The following NEK9 variants were observed in gnomAD, a reference collection of about 807,000 sequenced individuals.
The protein encoded by NEK9 is serine/threonine-protein kinase Nek9.
Under a neutral mutation model 123.4 loss-of-function variants are expected in NEK9, and 75 were observed. The observed-to-expected ratio is 0.61, with a 90% CI of 0.50 to 0.74. NEK9 has a LOEUF of 0.74. NEK9 is among the 30% of genes least tolerant of loss of function. The pLI, the probability that NEK9 is intolerant of heterozygous loss-of-function variation, is 0.00. For synonymous variants in NEK9, 438 were observed against 458.7 expected, an observed-to-expected ratio of 0.95 and a Z score of 0.58; for missense variants, 952 against 1,214.4, an observed-to-expected ratio of 0.78 and a Z score of 3.21.
chr14:75,084,347 G>T lies in NEK9; in HGVS notation c.*217C>A. The stretch of plus-strand genomic sequence containing the variant: ...ACTGATGACAAAGCCAGGGCCATGG[G>T]GGCCCTTCCATTCTCCAAAACAATA... On this transcript the variant is annotated 3_prime_UTR_variant, in exon 22 of 22. Transcript: ENST00000238616. 1 of 575,396 alleles carries T rather than the reference G, an allele frequency of 1.7e-6. No individual in the cohort carries two copies. The highest frequency in any genetic ancestry group is 3.1e-6 in the Non-Finnish European group (1 of 322,008). The allele number at this position is 575,396 out of a possible 1,614,324, so 35.6% of individuals were successfully genotyped here.
intron 20 of NEK9, 103 bp downstream of exon 20, chr14:75,088,377 A>G: frequency 9.0e-7 from 1 of 1,108,970 alleles, no homozygotes. Context: ...GAGTTGATGC[A>G]GGGCAGCTGA....
chr14:75,105,811 T>C, intron 13 of NEK9, 139 bp downstream of exon 13: 1 of 661,834 alleles, frequency 1.5e-6, no homozygotes, highest in Non-Finnish European at 2.6e-6. Flanking sequence ...AAATCAGGAA[T>C]CCTAAATTGT....
chr14:75,106,976 TA>T (rs1594839760), intron 11 of NEK9, among the ~76,000 whole-genome samples: 1 of 152,176 alleles, frequency 6.6e-6, no homozygotes, highest in African/African-American at 2.4e-5. Flanking sequence ...GTTATATAGA[TA>T]AAAAAATAAG....
rs190270695 is a variant in NEK9 at position 75,096,852 on chromosome 14, C to T, written c.2173+248G>A. The T allele has an allele frequency of 3.6e-3, 1,238 of 342,356 alleles. 6 individuals carry two copies. The highest frequency in any genetic ancestry group is 5.4e-3 in the Non-Finnish European group (1,028 of 191,484). 21.2% of individuals were successfully genotyped at this position (342,356 alleles called of 1,614,324 possible). On this transcript the variant is annotated intron_variant, in intron 17 of 21. Coordinates refer to ENST00000238616, the MANE Select transcript of NEK9 (RefSeq NM_033116.6). ...GACAAAAAAAAACAACCAAAAAAAT[C>T]AATTCTAAGGGGGCAGGCAGAGCCC...
chr14:75,094,347 T>C (rs866264740), intron 18 of NEK9, among the ~76,000 whole-genome samples: 13 of 152,334 alleles, frequency 8.5e-5, no homozygotes, highest in South Asian at 6.2e-4. Context: ...TGGCTATTCA[T>C]AGGCATGATG....
Position 75,109,745 on chromosome 14 carries a change from G to A in NEK9, c.1122C>T (p.Val374=). Residue 374 remains valine, a synonymous_variant, in exon 10 of 22, where the codon GTC becomes GTT. Coordinates refer to ENST00000238616, the MANE Select transcript of NEK9 (RefSeq NM_033116.6). ...CAGCAAAGTGGGTATTCCCTGCACA[G>A]ACCTGCCGGGCACTACAGCCACTCT... The part of the protein sequence containing the change: ...VIKSGCSARQ[V]CAGNTHFAVV... 1 of 1,614,130 alleles carries A rather than the reference G, an allele frequency of 6.2e-7. No individual in the cohort carries two copies. Among genetic ancestry groups the A allele is most frequent in the Non-Finnish European group, 8.5e-7 (1 of 1,180,022 alleles).
Position 75,113,326 on chromosome 14 carries a change from C to G in NEK9, c.938+13G>C. On this transcript the variant is annotated intron_variant, in intron 8 of 21. Coordinates refer to ENST00000238616, the MANE Select transcript of NEK9 (RefSeq NM_033116.6). ...CTCAGAAAAGACAATGGAGTGACTT[C>G]TTCATAATTTACCTCCTGCGTTTCC... is the stretch of plus-strand genomic sequence containing the variant. The G allele has an allele frequency of 6.2e-7, 1 of 1,605,358 alleles. No homozygotes were observed. Among genetic ancestry groups the G allele is most frequent in the Non-Finnish European group, 8.5e-7 (1 of 1,172,342 alleles).
chr14:75,118,733 C>A, intron 5 of NEK9, 97 bp downstream of exon 5: 1 of 752,252 alleles, frequency 1.3e-6, no homozygotes, highest in Non-Finnish European at 2.2e-6. Context: ...GGAGAACTTG[C>A]AAGAATATTG....
At chr14:75,102,676 A>G (rs183154718) in intron 14 of NEK9, among the ~76,000 whole-genome samples, 121 of 152,264 alleles carry the variant, frequency 7.9e-4, no homozygotes, top group African/African-American at 2.9e-3. Flanking sequence ...TTCAAACTAC[A>G]AAGACACTCT....
intron 5 of NEK9, among the ~76,000 whole-genome samples, chr14:75,118,411 T>C (rs1895211468): frequency 6.6e-6 from 1 of 152,204 alleles, no homozygotes; most frequent in African/African-American, 2.4e-5. Flanking sequence ...CTGTGTATAA[T>C]ATTAAAGAAT....
intron 13 of NEK9, among the ~76,000 whole-genome samples, chr14:75,105,696 T>C (rs967564385): frequency 2.0e-5 from 3 of 152,230 alleles, no homozygotes; most frequent in African/African-American, 7.2e-5. Context: ...ACGCTGATTT[T>C]AGCTGTCATC....
intron 17 of NEK9, among the ~76,000 whole-genome samples, chr14:75,095,856 C>G (rs903711872): frequency 2.0e-5 from 3 of 152,120 alleles, no homozygotes; most frequent in African/African-American, 7.2e-5. Flanking sequence ...TGCCACTGCA[C>G]TCTACTCTGG....
intron 14 of NEK9, among the ~76,000 whole-genome samples, chr14:75,102,894 G>A (rs1211535802): frequency 6.6e-6 from 1 of 152,022 alleles, no homozygotes; most frequent in Non-Finnish European, 1.5e-5. Context: ...TCCTTTGTAG[G>A]GATATGGATG....
Position 75,120,492 on chromosome 14 carries a change from A to AT in NEK9, c.524+17dup, listed in dbSNP as rs770454710. The AT allele has an allele frequency of 2.6e-5, 41 of 1,583,296 alleles. No homozygotes were observed. The highest frequency in any genetic ancestry group is 5.6e-5 in the South Asian group (5 of 89,190). On this transcript the variant is annotated intron_variant, in intron 4 of 21. Coordinates refer to ENST00000238616, the MANE Select transcript of NEK9 (RefSeq NM_033116.6). Reference sequence around the variant, plus strand: ...ATTGGTAGGGAAGAATCCATCCATAATTTTTTTTACTTCTTACCTATGAAG... The same window carrying AT: ...ATTGGTAGGGAAGAATCCATCCATAATTTTTTTTTACTTCTTACCTATGAAG...
rs1893831517 is a variant in NEK9, at chr14:75,080,294, C to A, written c.*4270G>T. 1 of 149,338 alleles carries A rather than the reference C, an allele frequency of 6.7e-6. No homozygotes were observed. Among genetic ancestry groups the A allele is most frequent in the South Asian group, 2.1e-4 (1 of 4,774 alleles). The allele number at this position is 149,338 out of a possible 1,614,324, so 9.3% of individuals were successfully genotyped here. On this transcript the variant is annotated 3_prime_UTR_variant, in exon 22 of 22. Transcript: ENST00000238616. The stretch of plus-strand genomic sequence containing the variant: ...GCAGTGAGCTGAGATCGCGCCACTG[C>A]ACTCCAGCCTGGTGACCTAGTAAGA...
At chr14:75,122,903 A>G (rs1348780478) in intron 2 of NEK9, among the ~76,000 whole-genome samples, 1 of 143,428 alleles carries the variant, frequency 7.0e-6, no homozygotes, top group Admixed American at 7.3e-5. Context: ...GTCTCAAGCC[A>G]TCCTCCCTCC....
chr14:75,087,227 G>T lies in NEK9; in HGVS notation c.2608C>A (p.Pro870Thr), dbSNP rs774587035. 10 of 1,604,372 alleles carry T rather than the reference G, an allele frequency of 6.2e-6. No homozygotes were observed. Among genetic ancestry groups the T allele is most frequent in the Non-Finnish European group, 8.5e-6 (10 of 1,172,036 alleles). Residue 870 changes from proline (P) to threonine (T), a missense_variant, in exon 21 of 22, where the codon CCT becomes ACT. By Grantham distance (38) the Pro-to-Thr change is conservative (BLOSUM62 -1). Around this residue, in one of 4 missense-constraint regions of NEK9, gnomAD observed 698 missense variants for 875.6 expected, o/e 0.80. Coordinates refer to ENST00000238616, the MANE Select transcript of NEK9 (RefSeq NM_033116.6). ...CAGGTTACTGCAGGATTCAGCCGAG[G>T]TGACTAGAGAGACAAGAAGGAGATT... The part of the protein sequence containing the change: ...EHKPQVEASS[P>T]RLNPAVTCAG...
chr14:75,114,776 T>C (rs1430087772), intron 6 of NEK9, among the ~76,000 whole-genome samples: 2 of 152,160 alleles, frequency 1.3e-5, no homozygotes, highest in African/African-American at 2.4e-5. Context: ...CACCACATTA[T>C]TGAGAGACTA....
intron 1 of NEK9, among the ~76,000 whole-genome samples, 187 bp from the exon 2 acceptor site, chr14:75,124,410 GGGAAGTAAA>G (rs1389477145): frequency 5.3e-5 from 8 of 152,152 alleles, no homozygotes; most frequent in African/African-American, 1.7e-4. Context: ...TGCAGGACAG[GGGAAGTAAA>G]GCATTAAAAC....
Sources: allele counts gnomAD v4.1 joint callset (sites outside exome capture counted in the v4.1 genomes callset), GRCh38; gene constraint gnomAD v4.1.1; regional missense constraint gnomAD v4.1.1; transcripts MANE v1.5; gene names NCBI Gene and HGNC (gene_info 2026-07-23, HGNC 2026-07-21).